Variants in PLD1 observed in about 807,000 individuals in gnomAD.
The protein encoded by PLD1 is choline phosphatase 1.
In PLD1, 112 loss-of-function variants were observed where a neutral mutation model predicts 137.1. The ratio of observed to expected loss-of-function variants is 0.82; its 90% CI spans 0.70 to 0.96. The LOEUF is 0.96. Among genes scored for constraint, PLD1 ranks in the 40% least tolerant of loss-of-function variants. PLD1 has a pLI of 0.00. For synonymous variants in PLD1, 431 were observed against 454.7 expected, an observed-to-expected ratio of 0.95 and a Z score of 0.66; for missense variants, 1,321 against 1,342.0, an observed-to-expected ratio of 0.98 and a Z score of 0.24.
chr3:171,782,665 T>C (rs1722838942), intron 1 of PLD1, among the ~76,000 whole-genome samples: 1 of 152,134 alleles, frequency 6.6e-6, no homozygotes, highest in Admixed American at 6.5e-5. Context: ...ATGTTTGAAA[T>C]GTTTACAAGA....
intron 23 of PLD1, among the ~76,000 whole-genome samples, chr3:171,623,557 C>T (rs1223452530): frequency 2.0e-5 from 3 of 151,506 alleles, no homozygotes; most frequent in East Asian, 1.9e-4. Flanking sequence ...CTCCTGACCT[C>T]GTGATCCGCC....
chr3:171,744,244 A>G (rs1454787211), intron 1 of PLD1, among the ~76,000 whole-genome samples: 1 of 152,218 alleles, frequency 6.6e-6, no homozygotes, highest in Non-Finnish European at 1.5e-5. Flanking sequence ...TCAGAAAGTC[A>G]GTAAGTCAGC....
chr3:171,721,866 T>A (rs1436218901), intron 8 of PLD1, among the ~76,000 whole-genome samples: 1 of 152,154 alleles, frequency 6.6e-6, no homozygotes, highest in East Asian at 1.9e-4. Flanking sequence ...CTTTTCCTTG[T>A]AATTTCTTCT....
intron 1 of PLD1, among the ~76,000 whole-genome samples, chr3:171,769,354 A>C (rs962982099): frequency 5.3e-5 from 8 of 152,366 alleles, no homozygotes; most frequent in Admixed American, 1.3e-4. Flanking sequence ...ATCAACGACT[A>C]AAATGTCTTA....
Position 171,608,366 on chromosome 3 carries a change from G to A in PLD1, c.2883-2950C>T, listed in dbSNP as rs534317059. The stretch of plus-strand genomic sequence containing the variant: ...AGTTCTTTTCTTCATCTATAAATCC[G>A]CTATAATTCCAATTTTATAAAACTA... On this transcript the variant is annotated intron_variant, in intron 25 of 26. Coordinates refer to ENST00000351298, the MANE Select transcript of PLD1 (RefSeq NM_002662.5). 4.1e-4 allele frequency among the ~76,000 whole-genome samples: 63 copies of A among 152,118 alleles called. No homozygotes were observed. In the South Asian group the frequency reaches 0.013, roughly 31 times the overall value.
chr3:171,641,396 C>T (rs1735728906), intron 23 of PLD1, among the ~76,000 whole-genome samples: 1 of 152,106 alleles, frequency 6.6e-6, no homozygotes, highest in African/African-American at 2.4e-5. Flanking sequence ...TCTGCCATTC[C>T]TGCTGATGTC....
At chr3:171,614,488 T>C (rs1008814889) in intron 24 of PLD1, among the ~76,000 whole-genome samples, 6 of 152,238 alleles carry the variant, frequency 3.9e-5, no homozygotes, top group Non-Finnish European at 5.9e-5. Context: ...ACTTAATGAT[T>C]TACAAGCTGC....
At chr3:171,714,969 A>G (rs1384508229) in intron 8 of PLD1, among the ~76,000 whole-genome samples, 1 of 152,224 alleles carries the variant, frequency 6.6e-6, no homozygotes, top group Non-Finnish European at 1.5e-5. Context: ...TTTCTTGTCA[A>G]ATGAATAAAT....
At position 171,714,025 on chromosome 3, in the gene PLD1, G is replaced by A. The variant is rs1333882356; in HGVS notation, c.779C>T (p.Ser260Phe). Residue 260 changes from serine (S) to phenylalanine (F), a missense_variant, in exon 9 of 27, where the codon TCC becomes TTC. Coordinates refer to ENST00000351298, the MANE Select transcript of PLD1 (RefSeq NM_002662.5). ...GTCTGGTTTCATATACAATAAAAAG[G>A]AATCTTTCACTATTAACCATCTGTA... Reference protein sequence around the residue: ...WSKRWLIVKDSFLLYMKPDSG... With the variant: ...WSKRWLIVKDFFLLYMKPDSG... The A allele has an allele frequency of 6.2e-7, 1 of 1,605,630 alleles. No homozygotes were observed.
intron 23 of PLD1, among the ~76,000 whole-genome samples, chr3:171,632,598 A>G (rs1244282261): frequency 6.6e-6 from 1 of 152,176 alleles, no homozygotes; most frequent in Non-Finnish European, 1.5e-5. Context: ...GGTAAAAAAA[A>G]AAATCCCTAC....
intron 1 of PLD1, among the ~76,000 whole-genome samples, chr3:171,801,392 C>A (rs1723638278): frequency 6.6e-6 from 1 of 152,232 alleles, no homozygotes; most frequent in Admixed American, 6.5e-5. Context: ...ACAGGACGAA[C>A]ATATCCAACA....
intron 1 of PLD1, among the ~76,000 whole-genome samples, chr3:171,748,282 C>CT (rs1324099044): frequency 7.2e-5 from 11 of 152,274 alleles, no homozygotes; most frequent in Non-Finnish European, 1.3e-4. Flanking sequence ...GCTGGATTGA[C>CT]TTAAGTCAAA....
In PLD1 at chr3:171,693,505, T is replaced by A. The variant is rs549762771; in HGVS notation, c.1228-1063A>T. Among the ~76,000 whole-genome samples, 11 of 152,154 alleles carry A rather than the reference T, an allele frequency of 7.2e-5. No individual in the cohort carries two copies. The East Asian group carries it at 2.1e-3, about 30-fold the overall frequency. On this transcript the variant is annotated intron_variant, in intron 12 of 26. Transcript: ENST00000351298. ...TCCCCCTCCAATGTATAGTTCAGAATGTATTACCTCCAGGAAACTGTGGCT... is the reference window on the plus strand; with the variant it reads ...TCCCCCTCCAATGTATAGTTCAGAAAGTATTACCTCCAGGAAACTGTGGCT...
At chr3:171,759,385 T>G (rs527464321) in intron 1 of PLD1, among the ~76,000 whole-genome samples, 1 of 152,190 alleles carries the variant, frequency 6.6e-6, no homozygotes, top group African/African-American at 2.4e-5. Flanking sequence ...AAGATACTAA[T>G]TTTTTTCCTT....
intron 9 of PLD1, among the ~76,000 whole-genome samples, chr3:171,713,194 T>A (rs1379634712): frequency 6.6e-6 from 1 of 152,244 alleles, no homozygotes; most frequent in Non-Finnish European, 1.5e-5. Context: ...GCGGAGTGGC[T>A]CAGGCCTGTT....
intron 11 of PLD1, among the ~76,000 whole-genome samples, chr3:171,700,624 T>C (rs1328593357): frequency 6.6e-6 from 1 of 152,174 alleles, no homozygotes; most frequent in African/African-American, 2.4e-5. Flanking sequence ...TAGTTGAACA[T>C]TCTGTTACCC....
intron 1 of PLD1, among the ~76,000 whole-genome samples, chr3:171,802,838 G>A (rs1396609252): frequency 3.3e-5 from 5 of 152,130 alleles, no homozygotes; most frequent in Admixed American, 2.6e-4. Flanking sequence ...AAAAATCGAG[G>A]CTACCATACA....
intron 1 of PLD1, among the ~76,000 whole-genome samples, chr3:171,798,222 CACTT>C (rs1387689390): frequency 2.0e-5 from 3 of 152,220 alleles, no homozygotes; most frequent in African/African-American, 7.2e-5. Flanking sequence ...GAATTACAAT[CACTT>C]ACACATTCTC....
At chr3:171,664,081 T>C (rs1711834245) in intron 19 of PLD1, among the ~76,000 whole-genome samples, 2 of 152,106 alleles carry the variant, frequency 1.3e-5, no homozygotes, top group Admixed American at 1.3e-4. Context: ...ATCAAAGCAT[T>C]AAAAAAATTA....
Sources: gnomAD v4.1 joint callset for allele counts (sites outside exome capture counted in the v4.1 genomes callset) on GRCh38, gnomAD v4.1.1 for gene constraint, MANE v1.5 for transcripts, NCBI Gene and HGNC (gene_info 2026-07-23, HGNC 2026-07-21) for gene names.